SVOPL: variants seen among roughly 807,000 people sequenced by gnomAD.
SVOPL encodes putative transporter SVOPL.
A neutral mutation model predicts 61.0 loss-of-function variants in SVOPL; 60 were observed. The observed-to-expected ratio is 0.98, with a 90% confidence interval of 0.80 to 1.22. The LOEUF (loss-of-function observed/expected upper bound fraction) is 1.22. Ranked by LOEUF, SVOPL falls within the 50% of genes most tolerant of loss-of-function variation. The pLI is 0.00. For missense variants in SVOPL, 662 were observed against 643.9 expected (o/e 1.03, Z -0.30); for synonymous variants, 279 against 250.0 (o/e 1.12, Z -1.09).
intron 1 of SVOPL, among the ~76,000 whole-genome samples, chr7:138,691,932 C>T (rs981808545): frequency 6.6e-6 from 1 of 152,102 alleles, no homozygotes; most frequent in Non-Finnish European, 1.5e-5. Context: ...ATTCTCCTGC[C>T]TCAGACTCCT....
chr7:138,661,775 A>C (rs1262418585), intron 5 of SVOPL: 4 of 902,382 alleles, frequency 4.4e-6, no homozygotes, highest in African/African-American at 1.8e-5. Context: ...ACTGCTGCTA[A>C]TCGGAGCATA....
chr7:138,605,684 C>T (rs1048918335), intron 14 of SVOPL, among the ~76,000 whole-genome samples: 5 of 147,764 alleles, frequency 3.4e-5, no homozygotes, highest in Non-Finnish European at 6.0e-5. Flanking sequence ...ATTCTGGAAA[C>T]TAACAAGATA....
rs199794073 is a variant in SVOPL at position 138,621,077 on chromosome 7, A to T, written c.1322T>A (p.Ile441Asn). Reference sequence around the variant, plus strand: ...TATAAATGGTGCCACCATTGCACCAATGCGACACAGGGAGCCGCTGGTTCC... The same window carrying T: ...TATAAATGGTGCCACCATTGCACCATTGCGACACAGGGAGCCGCTGGTTCC... ...GMGTSGSLCRIGAMVAPFISQ... is the reference protein window; with the variant it reads ...GMGTSGSLCRNGAMVAPFISQ... The change falls in exon 14 of 16, where the codon ATT becomes AAT. Residue 441 changes from isoleucine to asparagine, a missense_variant. Physicochemically the swap from Ile to Asn is moderately radical, Grantham distance 149 (BLOSUM62 -3). Coordinates refer to ENST00000674285, the MANE Select transcript of SVOPL (RefSeq NM_001139456.2). 8.4e-5 allele frequency: 135 copies of T among 1,613,488 alleles called. No individual in the cohort carries two copies. The highest frequency in any genetic ancestry group is 4.9e-4 in the Middle Eastern group (3 of 6,082).
chr7:138,666,903 CCTT>C (rs1361928494), intron 4 of SVOPL, among the ~76,000 whole-genome samples: 2 of 152,164 alleles, frequency 1.3e-5, no homozygotes, highest in Non-Finnish European at 2.9e-5. Context: ...CCCAACCTGT[CCTT>C]CTCCTCTTCC....
chr7:138,699,477 G>A (rs1446032577), intron 1 of SVOPL, among the ~76,000 whole-genome samples: 1 of 152,054 alleles, frequency 6.6e-6, no homozygotes, highest in Non-Finnish European at 1.5e-5. Context: ...TCTAAACTAG[G>A]TTGATTTTAT....
chr7:138,597,240 G>A, intron 14 of SVOPL: 1 of 1,287,686 alleles, frequency 7.8e-7, no homozygotes, highest in South Asian at 1.2e-5. Flanking sequence ...TTAACCAACA[G>A]CAAAGCTCTC....
intron 1 of SVOPL, among the ~76,000 whole-genome samples, chr7:138,694,181 C>T (rs1563141050): frequency 6.6e-6 from 1 of 152,220 alleles, no homozygotes; most frequent in Non-Finnish European, 1.5e-5. Flanking sequence ...AGGACTCATC[C>T]TCATGAGATA....
At chr7:138,607,486 G>A (rs776220230) in intron 14 of SVOPL, among the ~76,000 whole-genome samples, 4 of 152,146 alleles carry the variant, frequency 2.6e-5, no homozygotes, top group South Asian at 2.1e-4. Context: ...AAGGGAACAC[G>A]GGATGCCGGA....
intron 9 of SVOPL, among the ~76,000 whole-genome samples, chr7:138,642,320 T>C (rs937011523): frequency 5.1e-5 from 7 of 138,294 alleles, no homozygotes; most frequent in African/African-American, 1.4e-4. Context: ...ATAAAGAGAA[T>C]GGACCCCGCC....
At chr7:138,666,848 C>T (rs1020889353) in intron 4 of SVOPL, among the ~76,000 whole-genome samples, 2 of 152,150 alleles carry the variant, frequency 1.3e-5, no homozygotes, top group Non-Finnish European at 2.9e-5. Context: ...GCTTTGCCCC[C>T]AAACCTGCCA....
chr7:138,653,965 A>G (rs1801572389), intron 7 of SVOPL, among the ~76,000 whole-genome samples: 1 of 150,970 alleles, frequency 6.6e-6, no homozygotes, highest in African/African-American at 2.4e-5. Context: ...AAAAGAAAAG[A>G]AAAGAAAAAA....
At chr7:138,663,380 C>G (rs1802089529) in intron 4 of SVOPL, 1 of 1,389,626 alleles carries the variant, frequency 7.2e-7, no homozygotes, top group Non-Finnish European at 9.3e-7. Flanking sequence ...AAACGGGGTC[C>G]TCTGCCGCCC....
intron 14 of SVOPL, among the ~76,000 whole-genome samples, chr7:138,602,456 TATATATATATATATATA>T: frequency 5.4e-5 from 1 of 18,630 alleles, no homozygotes; most frequent in Non-Finnish European, 1.2e-4. Flanking sequence ...TATATATATA[TATATATATATATATATA>T]TATGTAGATG....
intron 14 of SVOPL, among the ~76,000 whole-genome samples, chr7:138,607,634 C>T (rs1244104937): frequency 6.6e-6 from 1 of 152,084 alleles, no homozygotes; most frequent in East Asian, 1.9e-4. Flanking sequence ...GAGATGGCTG[C>T]AGCCAGCTTG....
At chr7:138,603,943 C>G (rs1051894372) in intron 14 of SVOPL, among the ~76,000 whole-genome samples, 1 of 150,590 alleles carries the variant, frequency 6.6e-6, no homozygotes, top group Non-Finnish European at 1.5e-5. Context: ...GTCTCAAAAA[C>G]CTTAATTTAT....
chr7:138,618,712 GA>G (rs1799414282), intron 14 of SVOPL, among the ~76,000 whole-genome samples: 1 of 96,378 alleles, frequency 1.0e-5, no homozygotes, highest in Non-Finnish European at 2.1e-5. Flanking sequence ...ACACGCGCGA[GA>G]GAGAGAGAGA....
rs536556189 is a variant in SVOPL, at chr7:138,640,209, ATTTTT to A, written c.789+4503_789+4507del. Among the ~76,000 whole-genome samples, 651 of 77,704 alleles carry A rather than the reference ATTTTT, an allele frequency of 8.4e-3. 3 individuals are homozygous for A. The highest frequency in any genetic ancestry group is 0.027 in the African/African-American group (621 of 22,758). The allele number at this position is 77,704 out of a possible 152,430, so 51.0% of individuals were successfully genotyped here. A position where few individuals can be genotyped will look rare whatever the true frequency, so the allele number is the denominator to read the frequency against. ...AGGCTCTTCATTCTCAAAGACAATG[ATTTTT>A]TTTTAACTTTTTTTTTTATATTTAT... On this transcript the variant is annotated intron_variant, in intron 9 of 15. Transcript: ENST00000674285.
chr7:138,621,934 C>CTATCTATCTATG (rs1799608822), intron 13 of SVOPL, among the ~76,000 whole-genome samples: 2 of 72,926 alleles, frequency 2.7e-5, no homozygotes, highest in Admixed American at 1.3e-4. Flanking sequence ...ATCTATGTAT[C>CTATCTATCTATG]TATCTATCTA....
intron 3 of SVOPL, among the ~76,000 whole-genome samples, chr7:138,675,155 C>T (rs1297642028): frequency 6.6e-6 from 1 of 151,480 alleles, no homozygotes; most frequent in Non-Finnish European, 1.5e-5. Flanking sequence ...AATCCCAGCA[C>T]TTTGGGAGGC....
Sources: gnomAD v4.1 joint callset for allele counts (sites outside exome capture counted in the v4.1 genomes callset) on GRCh38, gnomAD v4.1.1 for gene constraint, MANE v1.5 for transcripts, NCBI Gene and HGNC (gene_info 2026-07-23, HGNC 2026-07-21) for gene names.